PDE4D: variants seen among roughly 807,000 people sequenced by gnomAD.
The protein encoded by PDE4D is phosphodiesterase 4D, also known as 3',5'-cyclic-AMP phosphodiesterase 4D.
PDE4D carries 24 observed loss-of-function variants against 87.4 expected under a neutral mutation model. That is an observed-to-expected ratio of 0.27 (90% confidence interval 0.20 to 0.39). The LOEUF (loss-of-function observed/expected upper bound fraction) is 0.39. PDE4D is among the 10% of genes least tolerant of loss of function. PDE4D has a pLI of 1.00. For missense variants in PDE4D, 714 were observed against 1,041.0 expected (o/e 0.69, Z 4.32); for synonymous variants, 384 against 383.2 (o/e 1.00, Z -0.02).
chr5:59,945,812 A>G (rs1757673134), intron 3 of PDE4D, among the ~76,000 whole-genome samples: 1 of 152,202 alleles, frequency 6.6e-6, no homozygotes, highest in African/African-American at 2.4e-5. Context: ...CAGACTGATT[A>G]TTGAATTTCT....
intron 1 of PDE4D, among the ~76,000 whole-genome samples, chr5:60,298,171 G>A (rs1486870286): frequency 6.6e-6 from 1 of 151,432 alleles, no homozygotes; most frequent in Non-Finnish European, 1.5e-5. Flanking sequence ...AAGATTACAG[G>A]AAAAAATTCC....
intron 2 of PDE4D, among the ~76,000 whole-genome samples, chr5:60,046,561 G>T (rs1769285196): frequency 6.6e-6 from 1 of 152,112 alleles, no homozygotes; most frequent in African/African-American, 2.4e-5. Flanking sequence ...AATTTATTGA[G>T]AGTTTTTAGC....
chr5:59,686,336 TA>T (rs1749857418), intron 1 of PDE4D, among the ~76,000 whole-genome samples: 1 of 152,114 alleles, frequency 6.6e-6, no homozygotes, highest in Non-Finnish European at 1.5e-5. Context: ...ATACCTATTG[TA>T]AAGATGAAGT....
intron 2 of PDE4D, among the ~76,000 whole-genome samples, chr5:59,989,264 T>C (rs1298840978): frequency 1.3e-5 from 2 of 151,646 alleles, no homozygotes; most frequent in Admixed American, 1.3e-4. Context: ...TAGGCAATTA[T>C]AACACAATGG....
chr5:59,168,636 G>T (rs1782264145), intron 5 of PDE4D, among the ~76,000 whole-genome samples: 1 of 152,016 alleles, frequency 6.6e-6, no homozygotes, highest in South Asian at 2.1e-4. Context: ...GGAATAGATG[G>T]TATAGATTTG....
intron 1 of PDE4D, among the ~76,000 whole-genome samples, chr5:59,578,481 A>G (rs1823532677): frequency 1.3e-5 from 2 of 152,210 alleles, no homozygotes; most frequent in Non-Finnish European, 2.9e-5. Context: ...CTGACATAAT[A>G]CTTTGTGTAA....
chr5:59,157,244 T>C, intron 5 of PDE4D: 1 of 699,758 alleles, frequency 1.4e-6, no homozygotes. Context: ...TCACTTGTAT[T>C]GCATTGTTTT....
chr5:60,096,886 C>T (rs1421678238), intron 2 of PDE4D, among the ~76,000 whole-genome samples: 9 of 152,034 alleles, frequency 5.9e-5, no homozygotes, highest in African/African-American at 1.9e-4. Flanking sequence ...TTATCTCATA[C>T]CCAAGTCTTA....
At position 59,547,489 on chromosome 5, in the gene PDE4D, T is replaced by G. The variant is rs188598593; in HGVS notation, c.456-331521A>C. On this transcript the variant is annotated intron_variant, in intron 1 of 14. Coordinates refer to ENST00000340635, the MANE Select transcript of PDE4D (RefSeq NM_001104631.2). ...AATTATATAAGAAGGAAATAAGTAATGACAACCTCAAGTAAACGTTCACTT... is the reference window on the plus strand; with the variant it reads ...AATTATATAAGAAGGAAATAAGTAAGGACAACCTCAAGTAAACGTTCACTT... 9.9e-5 allele frequency among the ~76,000 whole-genome samples: 15 copies of G among 152,214 alleles called. No homozygotes were observed. The East Asian group carries it at 2.9e-3, about 29-fold the overall frequency.
intron 1 of PDE4D, among the ~76,000 whole-genome samples, chr5:59,235,206 C>T (rs1312667773): frequency 3.3e-5 from 5 of 152,180 alleles, no homozygotes; most frequent in South Asian, 2.1e-4. Flanking sequence ...TCTCTCAGGG[C>T]ACCTTGGGTG....
At chr5:60,047,590 A>G (rs1769454778) in intron 2 of PDE4D, among the ~76,000 whole-genome samples, 1 of 152,114 alleles carries the variant, frequency 6.6e-6, no homozygotes, top group Admixed American at 6.6e-5. Context: ...TTGGTTTCAA[A>G]GAACATCTTA....
chr5:59,165,278 T>TC (rs1781752037), intron 5 of PDE4D, among the ~76,000 whole-genome samples: 2 of 152,176 alleles, frequency 1.3e-5, no homozygotes, highest in African/African-American at 4.8e-5. Flanking sequence ...TTCATAAATA[T>TC]CTTTTTTTTT....
intron 5 of PDE4D, among the ~76,000 whole-genome samples, chr5:59,048,321 G>C (rs1761027412): frequency 6.6e-6 from 1 of 152,208 alleles, no homozygotes; most frequent in Non-Finnish European, 1.5e-5. Context: ...CTGTAGGAGA[G>C]CATCTGTGTT....
intron 2 of PDE4D, among the ~76,000 whole-genome samples, chr5:60,010,269 C>T (rs1202213425): frequency 1.3e-5 from 2 of 152,046 alleles, no homozygotes; most frequent in African/African-American, 2.4e-5. Context: ...AAATAGTGCC[C>T]ACCGCATGCA....
chr5:60,175,106 G>T (rs1783798247), intron 2 of PDE4D, among the ~76,000 whole-genome samples: 2 of 151,852 alleles, frequency 1.3e-5, no homozygotes, highest in Non-Finnish European at 2.9e-5. Flanking sequence ...GCTCTGTTAT[G>T]TTCTTTCTTT....
chr5:59,020,772 C>T (rs1755008505), intron 6 of PDE4D, among the ~76,000 whole-genome samples: 1 of 151,794 alleles, frequency 6.6e-6, no homozygotes, highest in Admixed American at 6.6e-5. Context: ...GGAAGAAGAA[C>T]AATTACCTGC....
At chr5:59,706,059 G>C (rs999650242) in intron 1 of PDE4D, among the ~76,000 whole-genome samples, 3 of 152,056 alleles carry the variant, frequency 2.0e-5, no homozygotes, top group African/African-American at 7.2e-5. Context: ...TTGACCACTA[G>C]TACTCTTTCA....
intron 1 of PDE4D, chr5:59,528,798 G>T (rs1227979547): frequency 7.5e-6 from 2 of 266,146 alleles, no homozygotes; most frequent in Non-Finnish European, 1.5e-5. Flanking sequence ...AGACCTGATG[G>T]TTACAGATAC....
At chr5:59,215,558 T>A in intron 2 of PDE4D, 1 of 346,852 alleles carries the variant, frequency 2.9e-6, no homozygotes, top group Non-Finnish European at 5.2e-6. Context: ...CATGCGTGTG[T>A]GTGTGTGTGT....
Sources: gnomAD v4.1 joint callset for allele counts (sites outside exome capture counted in the v4.1 genomes callset) on GRCh38, gnomAD v4.1.1 for gene constraint, MANE v1.5 for transcripts, NCBI Gene and HGNC (gene_info 2026-07-23, HGNC 2026-07-21) for gene names.